Variants in SH3D21 observed in about 807,000 individuals in gnomAD.
The protein encoded by SH3D21 is manchette microtubule inner protein 1, also known as SH3 domain-containing protein 21.
In SH3D21, 83 loss-of-function variants were observed where a neutral mutation model predicts 82.1. The observed-to-expected ratio is 1.01, with a 90% confidence interval of 0.85 to 1.21. SH3D21 has a LOEUF of 1.21. Among genes scored for constraint, SH3D21 ranks in the 50% most tolerant of loss-of-function variants. SH3D21 has a pLI of 0.00. For synonymous variants in SH3D21, 383 were observed against 387.8 expected (o/e 0.99, Z 0.15); for missense variants, 980 against 962.1 (o/e 1.02, Z -0.25).
At position 36,308,091 on chromosome 1, in the gene SH3D21, G is replaced by T. The variant is rs1646165593; in HGVS notation, c.539-18G>T. Reference sequence around the variant, plus strand: ...GGGAGGCTTGGCTTCAGAGGACAGTGGACTGACCTCTTCCCAGTCTCCCAC... The same window carrying T: ...GGGAGGCTTGGCTTCAGAGGACAGTTGACTGACCTCTTCCCAGTCTCCCAC... On this transcript the variant is annotated intron_variant, in intron 7 of 15. Transcript: ENST00000453908. 1 of 1,540,896 alleles carries T rather than the reference G, an allele frequency of 6.5e-7. No homozygotes were observed. Among genetic ancestry groups the T allele is most frequent in the African/African-American group, 1.4e-5 (1 of 72,972 alleles).
chr1:36,322,495 G>A, downstream of SH3D21: 1 of 1,603,276 alleles, frequency 6.2e-7, no homozygotes, highest in Admixed American at 1.7e-5. Flanking sequence ...TCTGCGGACA[G>A]CTCGGGGCCC....
In SH3D21 at chr1:36,309,535, CT is replaced by C; in HGVS notation, c.727-9del. On this transcript the variant is annotated splice_polypyrimidine_tract_variant and intron_variant, in intron 9 of 15. Transcript: ENST00000453908. Reference sequence around the variant, plus strand: ...GATTAAGGATGCTCAACCTTTACTTCTTTTCGGCATAGATCAAGAAGCTGGT... The same window carrying C: ...GATTAAGGATGCTCAACCTTTACTTCTTTCGGCATAGATCAAGAAGCTGGT... 6.4e-7 allele frequency: 1 copy of C among 1,551,464 alleles called. No individual in the cohort carries two copies. The highest frequency in any genetic ancestry group is 8.7e-7 in the Non-Finnish European group (1 of 1,146,850).
chr1:36,328,479 G>C, downstream of SH3D21: 1 of 297,080 alleles, frequency 3.4e-6, no homozygotes, highest in South Asian at 3.2e-5. Context: ...TTGCTAAATG[G>C]ACAATCATAG....
chr1:36,316,178 T>TC (rs1481394221), intron 10 of SH3D21, among the ~76,000 whole-genome samples: 1 of 152,232 alleles, frequency 6.6e-6, no homozygotes, highest in Non-Finnish European at 1.5e-5. Flanking sequence ...TGTGGGACTC[T>TC]TGCAGGCCTT....
chr1:36,317,588 G>A (rs1176125486), intron 10 of SH3D21, among the ~76,000 whole-genome samples: 1 of 152,096 alleles, frequency 6.6e-6, no homozygotes, highest in East Asian at 1.9e-4. Context: ...TTGAGACGGA[G>A]TTTAACTCTT....
At position 36,320,604 on chromosome 1, in the gene SH3D21, C is replaced by T. The variant is rs1425286174; in HGVS notation, c.1941C>T (p.Pro647=). 6.2e-7 allele frequency: 1 copy of T among 1,614,112 alleles called. No individual in the cohort carries two copies. Among genetic ancestry groups the T allele is most frequent in the African/African-American group, 1.3e-5 (1 of 74,934 alleles). The change falls in exon 14 of 16, where the codon CCC becomes CCT. Residue 647 remains proline (P), a synonymous_variant. Coordinates refer to ENST00000453908, the MANE Select transcript of SH3D21 (RefSeq NM_001162530.2). The part of the protein sequence containing the change: ...KEEVAPKEEV[P]PIERAFAQKT... ...AAGTGGCTCCAAAAGAGGAGGTGCC[C>T]CCCATAGAAAGAGCCTTTGCCCAAA...
At chr1:36,322,566 T>A, downstream of SH3D21, 1 of 1,590,378 alleles carries the variant, frequency 6.3e-7, no homozygotes, top group Non-Finnish European at 8.5e-7. Flanking sequence ...GTCGTCGTCC[T>A]CGGGCTCCAG....
chr1:36,322,499 G>C (rs550387297), downstream of SH3D21: 643 of 1,602,824 alleles, frequency 4.0e-4, 6 homozygotes, highest in East Asian at 0.013. Flanking sequence ...CGGACAGCTC[G>C]GGGCCCGGCA....
At chr1:36,321,482 G>C (rs1646462282), downstream of SH3D21, 1 of 918,358 alleles carries the variant, frequency 1.1e-6, no homozygotes. The surrounding 1 kb of genome is among the most constrained non-coding windows in gnomAD (Gnocchi z 6.1). Flanking sequence ...CTTGACGCCC[G>C]GCCTAGATTC....
downstream of SH3D21, chr1:36,328,385 C>T: frequency 2.9e-6 from 1 of 346,000 alleles, no homozygotes; most frequent in South Asian, 2.2e-5. Context: ...GAGGGAGACT[C>T]ACCGGGGGCC....
At position 36,316,739 on chromosome 1, in the gene SH3D21, G is replaced by A. The variant is rs986026582; in HGVS notation, c.770-2332G>A. 2.7e-5 allele frequency among the ~76,000 whole-genome samples: 4 copies of A among 150,168 alleles called. No individual in the cohort carries two copies. In the South Asian group the frequency reaches 6.3e-4, roughly 24 times the overall value. On this transcript the variant is annotated intron_variant, in intron 10 of 15. Transcript: ENST00000453908. The stretch of plus-strand genomic sequence containing the variant: ...GAGCAGAGCTGCCCTCCCTCCCTCC[G>A]CCTTTCTGGCTTCAGTTCTCTCTCT...
Position 36,306,921 on chromosome 1 carries a change from G to T in SH3D21, c.226+16G>T. 7.6e-7 allele frequency: 1 copy of T among 1,323,874 alleles called. No individual in the cohort carries two copies. The highest frequency in any genetic ancestry group is 9.8e-7 in the Non-Finnish European group (1 of 1,019,368). The allele number at this position is 1,323,874 out of a possible 1,614,324, so 82.0% of individuals were successfully genotyped here. On this transcript the variant is annotated intron_variant, in intron 3 of 15. Transcript: ENST00000453908. The surrounding 1 kb of genome is among the most constrained non-coding windows in gnomAD (Gnocchi z 4.5). ...CGCCGCCGAGGTGAGCGCAAGGGCG[G>T]GGACGGGCGCCGGTGGGCGGGTGCA...
intron 10 of SH3D21, among the ~76,000 whole-genome samples, chr1:36,315,667 C>A (rs1253583264): frequency 6.6e-6 from 1 of 152,212 alleles, no homozygotes; most frequent in East Asian, 1.9e-4. Flanking sequence ...CATTTTTGTC[C>A]AGCTTCATAG....
At chr1:36,317,800 G>T (rs1458940857) in intron 10 of SH3D21, among the ~76,000 whole-genome samples, 2 of 152,216 alleles carry the variant, frequency 1.3e-5, no homozygotes, top group Non-Finnish European at 2.9e-5. Flanking sequence ...CTGACCTCAA[G>T]TGATCTGCCT....
chr1:36,309,986 A>G (rs1338151235), intron 10 of SH3D21, among the ~76,000 whole-genome samples: 3 of 151,788 alleles, frequency 2.0e-5, no homozygotes, highest in Non-Finnish European at 2.9e-5. Context: ...ACGGAGTCTC[A>G]CTCTGTCGCC....
downstream of SH3D21, among the ~76,000 whole-genome samples, chr1:36,330,210 A>G (rs1245050767): frequency 6.6e-6 from 1 of 152,260 alleles, no homozygotes; most frequent in Non-Finnish European, 1.5e-5. Flanking sequence ...ACAGCCTGGC[A>G]GGACAAATAA....
chr1:36,325,743 A>ACCATGTTAG (rs1646536239), downstream of SH3D21, among the ~76,000 whole-genome samples: 1 of 152,100 alleles, frequency 6.6e-6, no homozygotes, highest in Non-Finnish European at 1.5e-5. Flanking sequence ...ACCGGGTTTC[A>ACCATGTTAG]CCATGTTAGC....
rs868226313 is a variant in SH3D21, at chr1:36,320,572, A to C, written c.1909A>C (p.Lys637Gln). The stretch of plus-strand genomic sequence containing the variant: ...GACCCTGAAAGAGGAATTGCCCCCT[A>C]AAGAGGAAGTGGCTCCAAAAGAGGA... Reference protein sequence around the residue: ...EVTLKEELPPKEEVAPKEEVP... With the variant: ...EVTLKEELPPQEEVAPKEEVP... The change falls in exon 14 of 16, where the codon AAA (lysine) becomes CAA (glutamine). Residue 637 changes from lysine to glutamine, a missense_variant. By Grantham distance (53) the Lys-to-Gln change is moderately conservative. Coordinates refer to ENST00000453908, the MANE Select transcript of SH3D21 (RefSeq NM_001162530.2). 2 of 1,614,072 alleles carry C rather than the reference A, an allele frequency of 1.2e-6. No individual in the cohort carries two copies. Among genetic ancestry groups the C allele is most frequent in the Middle Eastern group, 3.3e-4 (2 of 6,084 alleles).
chr1:36,325,939 G>A (rs1218188403), downstream of SH3D21, among the ~76,000 whole-genome samples: 1 of 152,216 alleles, frequency 6.6e-6, no homozygotes, highest in Admixed American at 6.5e-5. Context: ...AACAATAGAA[G>A]ATAATCTCAG....
Sources: allele counts gnomAD v4.1 joint callset (sites outside exome capture counted in the v4.1 genomes callset), GRCh38; gene constraint gnomAD v4.1.1; non-coding constraint Gnocchi (gnomAD v3.1); transcripts MANE v1.5; gene names NCBI Gene and HGNC (gene_info 2026-07-23, HGNC 2026-07-21).